The following CIITA variants were observed in gnomAD, a reference collection of about 807,000 sequenced individuals.
The protein encoded by CIITA is MHC class II transactivator.
Under a neutral mutation model 115.1 loss-of-function variants are expected in CIITA, and 72 were observed. The observed-to-expected ratio is 0.63, with a 90% CI of 0.52 to 0.76. The LOEUF is 0.76. CIITA is among the 30% of genes least tolerant of loss of function. CIITA has a pLI of 0.00. For missense variants in CIITA, 1,617 were observed against 1,463.8 expected, an observed-to-expected ratio of 1.10 and a Z score of -1.71; for synonymous variants, 763 against 635.6, an observed-to-expected ratio of 1.20 and a Z score of -3.02.
In CIITA at chr16:10,915,562, C is replaced by G; in HGVS notation, c.2889-8C>G. The G allele has an allele frequency of 6.2e-7, 1 of 1,613,126 alleles. No homozygotes were observed. Among genetic ancestry groups the G allele is most frequent in the Non-Finnish European group, 8.5e-7 (1 of 1,179,138 alleles). On this transcript the variant is annotated splice_region_variant and splice_polypyrimidine_tract_variant and intron_variant, in intron 13 of 19. Coordinates refer to ENST00000324288, the MANE Select transcript of CIITA (RefSeq NM_000246.4). ...CTGGAGGTCTTACCCTTGCTCTTTG[C>G]CTCCTAGGCTGGGCCCTGTCTCAGG...
Position 10,902,075 on chromosome 16 carries a change from G to A in CIITA, c.519G>A (p.Val173=), listed in dbSNP as rs1248322238. Residue 173 remains valine, a synonymous_variant, in exon 7 of 20, where the codon GTG becomes GTA. Coordinates refer to ENST00000324288, the MANE Select transcript of CIITA (RefSeq NM_000246.4). ...PPTVVTGSLL[V]GPVSDCSTLP... Reference sequence around the variant, plus strand: ...CTGTGGTGACTGGCAGTCTCCTAGTGGGACCAGTGAGCGACTGCTCCACCC... The same window carrying A: ...CTGTGGTGACTGGCAGTCTCCTAGTAGGACCAGTGAGCGACTGCTCCACCC... 6.2e-7 allele frequency: 1 copy of A among 1,614,142 alleles called. No homozygotes were observed. Among genetic ancestry groups the A allele is most frequent in the South Asian group, 1.1e-5 (1 of 91,082 alleles).
rs2038768855 is a variant in CIITA, at chr16:10,901,657, A to G, written c.481+99A>G. 8 of 1,287,604 alleles carry G rather than the reference A, an allele frequency of 6.2e-6. No homozygotes were observed. The highest frequency in any genetic ancestry group is 2.5e-5 in the South Asian group (2 of 80,168). The allele number at this position is 1,287,604 out of a possible 1,614,324, so 79.8% of individuals were successfully genotyped here. On this transcript the variant is annotated intron_variant, in intron 6 of 19. Transcript: ENST00000324288. The surrounding 1 kb of genome is among the most constrained non-coding windows in gnomAD (Gnocchi z 6.8). ...GGCCCAAGTCTGATGGGGATGGTGCATGGTGCAGCCCCTGCCCTTCTTTGG... is the reference window on the plus strand; with the variant it reads ...GGCCCAAGTCTGATGGGGATGGTGCGTGGTGCAGCCCCTGCCCTTCTTTGG...
At chr16:10,880,996 G>A (rs879881707) in intron 1 of CIITA, among the ~76,000 whole-genome samples, 12 of 152,186 alleles carry the variant, frequency 7.9e-5, no homozygotes, top group Admixed American at 1.3e-4. Context: ...GAGAGGGGCC[G>A]GGAGCAGTGG....
Position 10,893,804 on chromosome 16 carries a change from TAAAAAAAAAAAA to T in CIITA, c.53-1459_53-1448del, listed in dbSNP as rs71136603. On this transcript the variant is annotated intron_variant, in intron 1 of 19. Coordinates refer to ENST00000324288, the MANE Select transcript of CIITA (RefSeq NM_000246.4). ...AGCCTGGGTGACAGAGACTCCGTCT[TAAAAAAAAAAAA>T]AAAAAAAAAAAAAAAAAAGTAGAGT... Among the ~76,000 whole-genome samples the T allele has an allele frequency of 1.1e-3, 34 of 32,170 alleles. No homozygotes were observed. The East Asian group carries it at 0.028, about 27-fold the overall frequency. 21.1% of individuals were successfully genotyped at this position (32,170 alleles called of 152,430 possible). A position where few individuals can be genotyped will look rare whatever the true frequency, so the allele number is the denominator to read the frequency against.
intron 16 of CIITA, among the ~76,000 whole-genome samples, chr16:10,918,850 G>T (rs754867627): frequency 3.3e-5 from 5 of 152,198 alleles, no homozygotes; most frequent in Non-Finnish European, 5.9e-5. Flanking sequence ...GAACCTAGGG[G>T]TGGTGGCTTC....
chr16:10,901,423 G>A lies in CIITA; in HGVS notation c.437-91G>A. ...CCCAAGACCACTACCCAGCCTTGAAGTTAAGGCCGTATAGCCTGCTAGAGT... is the reference window on the plus strand; with the variant it reads ...CCCAAGACCACTACCCAGCCTTGAAATTAAGGCCGTATAGCCTGCTAGAGT... On this transcript the variant is annotated intron_variant, in intron 5 of 19. Transcript: ENST00000324288. The surrounding 1 kb of genome is among the most constrained non-coding windows in gnomAD (Gnocchi z 6.8). 1 of 1,404,882 alleles carries A rather than the reference G, an allele frequency of 7.1e-7. No individual in the cohort carries two copies. The highest frequency in any genetic ancestry group is 1.0e-6 in the Non-Finnish European group (1 of 994,566). 87.0% of individuals were successfully genotyped at this position (1,404,882 alleles called of 1,614,324 possible). A position where few individuals can be genotyped will look rare whatever the true frequency, so the allele number is the denominator to read the frequency against.
intron 1 of CIITA, among the ~76,000 whole-genome samples, chr16:10,890,067 A>T (rs2037394425): frequency 6.6e-6 from 1 of 152,196 alleles, no homozygotes; most frequent in Admixed American, 6.5e-5. Flanking sequence ...TGATCACCCA[A>T]GAGGAAGTGC....
chr16:10,867,472 C>G, intron 1 of CIITA, among the ~76,000 whole-genome samples: 1 of 148,886 alleles, frequency 6.7e-6, no homozygotes, highest in East Asian at 2.0e-4. Flanking sequence ...GAGAGACAGG[C>G]AGAGACAGGG....
chr16:10,903,963 C>G (rs2144620250), intron 9 of CIITA, 68 bp downstream of exon 9: 6 of 1,603,092 alleles, frequency 3.7e-6, no homozygotes, highest in South Asian at 3.3e-5. Context: ...GGAATTGTCT[C>G]AAATAAGATC....
In CIITA at chr16:10,910,296, A is replaced by G. The variant is rs201480460; in HGVS notation, c.2888+37A>G. 5.1e-6 allele frequency: 8 copies of G among 1,569,392 alleles called. No individual in the cohort carries two copies. The East Asian group carries it at 1.1e-4, about 22-fold the overall frequency. Reference sequence around the variant, plus strand: ...GGTGGATTGTCTTGTGGGTCTGCGCAAGGTTTCCCCTGCAGCATTAGCTGG... The same window carrying G: ...GGTGGATTGTCTTGTGGGTCTGCGCGAGGTTTCCCCTGCAGCATTAGCTGG... On this transcript the variant is annotated intron_variant, in intron 13 of 19. Transcript: ENST00000324288.
chr16:10,893,404 T>C (rs953873077), intron 1 of CIITA, among the ~76,000 whole-genome samples: 3 of 152,198 alleles, frequency 2.0e-5, no homozygotes, highest in Non-Finnish European at 4.4e-5. Context: ...TACATGATCT[T>C]GAGGAAGCTG....
Position 10,898,685 on chromosome 16 carries a change from A to C in CIITA, c.311A>C (p.Tyr104Ser), listed in dbSNP as rs747941848. The C allele has an allele frequency of 6.2e-7, 1 of 1,611,022 alleles. No individual in the cohort carries two copies. Among genetic ancestry groups the C allele is most frequent in the Admixed American group, 1.7e-5 (1 of 59,564 alleles). The change falls in exon 4 of 20, where the codon TAT (tyrosine) becomes TCT (serine). Residue 104 changes from tyrosine to serine, a missense_variant. Physicochemically the swap from Tyr to Ser is moderately radical, Grantham distance 144 (BLOSUM62 -2). Coordinates refer to ENST00000324288, the MANE Select transcript of CIITA (RefSeq NM_000246.4). ...GTCTGGGCAGCGGAACTGGACCAGT[A>C]TGTCTTCCAGGACTCCCAGCTGGAG... ...AYANIAELDQ[Y>S]VFQDSQLEGL...
chr16:10,921,531 T>A (rs1243932474), intron 16 of CIITA, among the ~76,000 whole-genome samples: 1 of 152,208 alleles, frequency 6.6e-6, no homozygotes, highest in Admixed American at 6.5e-5. Flanking sequence ...TATATCAGCA[T>A]TGATTCATTT....
intron 15 of CIITA, chr16:10,917,089 G>C: frequency 4.6e-6 from 1 of 216,514 alleles, no homozygotes; most frequent in Non-Finnish European, 9.3e-6. Context: ...TATCAATAAA[G>C]CATTATTATC....
intron 13 of CIITA, among the ~76,000 whole-genome samples, chr16:10,911,466 T>TTTCTCTTTCTTTCTTTCCA (rs2144846955): frequency 6.6e-6 from 1 of 150,974 alleles, no homozygotes; most frequent in African/African-American, 2.4e-5. Flanking sequence ...CTTTCTCTCC[T>TTTCTCTTTCTTTCTTTCCA]TTCTCTTTCT....
rs77737122 is a variant in CIITA, at chr16:10,900,811, C to T, written c.437-703C>T. ...GGTACTATGAAGGTCCATATACCCACCATGTACCATTTTGATTCTACAATT... is the reference window on the plus strand; with the variant it reads ...GGTACTATGAAGGTCCATATACCCATCATGTACCATTTTGATTCTACAATT... On this transcript the variant is annotated intron_variant, in intron 5 of 19. Coordinates refer to ENST00000324288, the MANE Select transcript of CIITA (RefSeq NM_000246.4). 6.1e-3 allele frequency among the ~76,000 whole-genome samples: 926 copies of T among 152,226 alleles called. 1 individual carries two copies. Among genetic ancestry groups the T allele is most frequent in the Non-Finnish European group, 9.8e-3 (666 of 68,010 alleles).
chr16:10,907,822 C>A lies in CIITA; in HGVS notation c.2330C>A (p.Ser777Ter). The change falls in exon 11 of 20, where the codon TCG (serine) becomes TAG (stop). Residue 777 changes from serine to a stop codon, truncating the protein, a stop_gained. Transcript: ENST00000324288. LOFTEE classifies it high-confidence loss of function. The surrounding 1 kb of genome is among the most constrained non-coding windows in gnomAD (Gnocchi z 5.0). Reference sequence around the variant, plus strand: ...TGCCTGGGAGCCCTACTCGGGCCATCGGCGGCTGCCTCGGTGGACAGGAAG... The same window carrying A: ...TGCCTGGGAGCCCTACTCGGGCCATAGGCGGCTGCCTCGGTGGACAGGAAG... ...ARCLGALLGPSAAASVDRKQK... is the reference protein window; with the variant it reads ...ARCLGALLGP 1 of 1,613,868 alleles carries A rather than the reference C, an allele frequency of 6.2e-7. No individual in the cohort carries two copies. The highest frequency in any genetic ancestry group is 8.5e-7 in the Non-Finnish European group (1 of 1,179,862).
rs116253192 is a variant in CIITA, at chr16:10,904,756, C to T, written c.950C>T (p.Ser317Phe). 1.2e-6 allele frequency: 2 copies of T among 1,614,014 alleles called. No homozygotes were observed. The highest frequency in any genetic ancestry group is 1.7e-6 in the Non-Finnish European group (2 of 1,180,008). The change falls in exon 10 of 20, where the codon TCC becomes TTC. Residue 317 changes from serine to phenylalanine, a missense_variant. Coordinates refer to ENST00000324288, the MANE Select transcript of CIITA (RefSeq NM_000246.4). ...TCTCCATCTCCAGAGCACAAGACGTCCCCCACCCAATGCCCGGCAGCTGGA... is the reference window on the plus strand; with the variant it reads ...TCTCCATCTCCAGAGCACAAGACGTTCCCCACCCAATGCCCGGCAGCTGGA... ...SRANMTEHKT[S>F]PTQCPAAGEV...
At chr16:10,883,028 T>G (rs1160778454) in intron 1 of CIITA, among the ~76,000 whole-genome samples, 1 of 152,222 alleles carries the variant, frequency 6.6e-6, no homozygotes, top group Non-Finnish European at 1.5e-5. Context: ...CAGCCAAGCC[T>G]GCCGATGGCT....
Sources: allele counts gnomAD v4.1 joint callset (sites outside exome capture counted in the v4.1 genomes callset), GRCh38; gene constraint gnomAD v4.1.1; non-coding constraint Gnocchi (gnomAD v3.1); transcripts MANE v1.5; gene names NCBI Gene and HGNC (gene_info 2026-07-23, HGNC 2026-07-21).